The following PDE4D variants were observed in gnomAD, a reference collection of about 807,000 sequenced individuals.
PDE4D encodes the protein 3',5'-cyclic-AMP phosphodiesterase 4D.
PDE4D carries 24 observed loss-of-function variants against 87.4 expected under a neutral mutation model. The ratio of observed to expected loss-of-function variants is 0.27; its 90% CI spans 0.20 to 0.39. The LOEUF is 0.39. PDE4D is among the 10% of genes least tolerant of loss of function. The probability of loss-of-function intolerance (pLI) is 1.00; values close to 1 mark genes in which losing one functional copy is unlikely to be tolerated. For missense variants in PDE4D, 714 were observed against 1,041.0 expected, an observed-to-expected ratio of 0.69 and a Z score of 4.32; for synonymous variants, 384 against 383.2, an observed-to-expected ratio of 1.00 and a Z score of -0.02.
At chr5:60,418,445 G>A (rs772766399) in intron 1 of PDE4D, among the ~76,000 whole-genome samples, 2 of 152,080 alleles carry the variant, frequency 1.3e-5, no homozygotes, top group Non-Finnish European at 2.9e-5. Context: ...AGCAACCACA[G>A]TAATAATAAT....
intron 2 of PDE4D, among the ~76,000 whole-genome samples, chr5:60,129,582 A>G (rs1472892833): frequency 6.6e-6 from 1 of 152,170 alleles, no homozygotes; most frequent in Non-Finnish European, 1.5e-5. Context: ...TATAGTTTGT[A>G]TATCCATGAA....
chr5:59,379,547 G>A (rs540806564), intron 1 of PDE4D, among the ~76,000 whole-genome samples: 1 of 151,664 alleles, frequency 6.6e-6, no homozygotes, highest in Non-Finnish European at 1.5e-5. Flanking sequence ...CATAATTTTT[G>A]GATTCTGCTT....
intron 11 of PDE4D, among the ~76,000 whole-genome samples, chr5:58,983,070 C>A (rs1745597484): frequency 6.6e-6 from 1 of 152,232 alleles, no homozygotes; most frequent in South Asian, 2.1e-4. Flanking sequence ...TGGCCATTCC[C>A]TCTTCCAAGC....
chr5:60,114,365 T>G (rs1420244560), intron 2 of PDE4D, among the ~76,000 whole-genome samples: 1 of 152,120 alleles, frequency 6.6e-6, no homozygotes, highest in Non-Finnish European at 1.5e-5. Context: ...TTCTCTCACT[T>G]GTAATTGGTC....
Position 58,990,047 on chromosome 5 carries a change from TCA to T in PDE4D, c.1288-130_1288-129del, listed in dbSNP as rs1003969276. 4 of 608,242 alleles carry T rather than the reference TCA, an allele frequency of 6.6e-6. No homozygotes were observed. In the African/African-American group the frequency reaches 7.5e-5, roughly 11 times the overall value. 37.7% of individuals were successfully genotyped at this position (608,242 alleles called of 1,614,324 possible). A position where few individuals can be genotyped will look rare whatever the true frequency, so the allele number is the denominator to read the frequency against. On this transcript the variant is annotated intron_variant, in intron 9 of 14. Transcript: ENST00000340635. ...TAACCTGGAAATGGCAACTGCACTCTCACATGTCTAGTGAGGAAAATGGGAAC... is the reference window on the plus strand; with the variant it reads ...TAACCTGGAAATGGCAACTGCACTCTCATGTCTAGTGAGGAAAATGGGAAC...
At chr5:59,739,246 C>T (rs1404672574) in intron 1 of PDE4D, among the ~76,000 whole-genome samples, 2 of 152,030 alleles carry the variant, frequency 1.3e-5, no homozygotes, top group Admixed American at 6.6e-5. Flanking sequence ...ATGGTGAAAC[C>T]CCATTTTTAC....
intron 1 of PDE4D, among the ~76,000 whole-genome samples, chr5:60,509,598 C>A (rs181678731): frequency 6.6e-6 from 1 of 152,112 alleles, no homozygotes; most frequent in Non-Finnish European, 1.5e-5. Flanking sequence ...TTTTTTCTCT[C>A]ATTTCATCTT....
At position 58,989,628 on chromosome 5, in the gene PDE4D, A is replaced by G. The variant is rs186110868; in HGVS notation, c.1452+127T>C. The stretch of plus-strand genomic sequence containing the variant: ...TCTATTAACTATAGCATTTTCCCCC[A>G]TAAGTCAATAAGTTATACTTCCAAT... On this transcript the variant is annotated intron_variant, in intron 10 of 14. Coordinates refer to ENST00000340635, the MANE Select transcript of PDE4D (RefSeq NM_001104631.2). 7.0e-3 allele frequency: 4,064 copies of G among 581,382 alleles called. 22 individuals are homozygous for G. The highest frequency in any genetic ancestry group is 9.0e-3 in the Non-Finnish European group (3,007 of 335,816). The allele number at this position is 581,382 out of a possible 1,614,324, so 36.0% of individuals were successfully genotyped here.
At chr5:60,340,800 A>G (rs553532765) in intron 1 of PDE4D, among the ~76,000 whole-genome samples, 47 of 152,316 alleles carry the variant, frequency 3.1e-4, no homozygotes, top group Middle Eastern at 3.4e-3. Flanking sequence ...AAATAATAAT[A>G]ATATGGATTT....
At chr5:60,263,711 A>T (rs1749884225) in intron 1 of PDE4D, among the ~76,000 whole-genome samples, 1 of 152,152 alleles carries the variant, frequency 6.6e-6, no homozygotes, top group African/African-American at 2.4e-5. Context: ...ACCCTTATAG[A>T]GGCATACCTA....
At chr5:60,350,934 T>A (rs1759131866) in intron 1 of PDE4D, among the ~76,000 whole-genome samples, 1 of 152,032 alleles carries the variant, frequency 6.6e-6, no homozygotes, top group African/African-American at 2.4e-5. Context: ...TGAGCCAAGG[T>A]TCAGAGGCTG....
intron 2 of PDE4D, among the ~76,000 whole-genome samples, chr5:60,094,478 C>T (rs1775455574): frequency 6.6e-6 from 1 of 151,936 alleles, no homozygotes; most frequent in South Asian, 2.1e-4. Flanking sequence ...AATCCTCACC[C>T]ACCCCCAGTA....
At chr5:59,039,156 C>T (rs1048839273) in intron 5 of PDE4D, 185 bp from the exon 6 acceptor site, 4 of 1,348,694 alleles carry the variant, frequency 3.0e-6, no homozygotes, top group Middle Eastern at 2.5e-4. Flanking sequence ...GCTCGCGGGG[C>T]GGCCGGCCTC....
At chr5:59,822,387 T>A (rs2152689700) in intron 1 of PDE4D, among the ~76,000 whole-genome samples, 1 of 152,336 alleles carries the variant, frequency 6.6e-6, no homozygotes, top group East Asian at 1.9e-4. Context: ...GATAGATTAA[T>A]CTCACTTTGT....
intron 1 of PDE4D, among the ~76,000 whole-genome samples, chr5:60,327,016 C>T (rs756299750): frequency 1.3e-5 from 2 of 152,078 alleles, no homozygotes; most frequent in Non-Finnish European, 2.9e-5. Context: ...TTCTTTATCC[C>T]CTGCTTACAT....
chr5:59,670,525 T>C (rs298058), intron 1 of PDE4D, among the ~76,000 whole-genome samples: 60,914 of 151,962 alleles, frequency 0.4, 12,857 homozygotes, highest in East Asian at 0.69. Flanking sequence ...GTTTATAAGG[T>C]ATATACGAAA....
At chr5:60,312,082 C>T (rs890137813) in intron 1 of PDE4D, among the ~76,000 whole-genome samples, 1 of 152,112 alleles carries the variant, frequency 6.6e-6, no homozygotes, top group Non-Finnish European at 1.5e-5. Flanking sequence ...TTTAGATAAC[C>T]ACATAATAAT....
chr5:59,025,764 G>T (rs561820722), intron 6 of PDE4D, among the ~76,000 whole-genome samples: 26 of 152,354 alleles, frequency 1.7e-4, no homozygotes, highest in Admixed American at 1.2e-3. Context: ...GGAGATGGCA[G>T]ACATTAGCCT....
At chr5:60,474,105 CATATATAT>C (rs1158022321) in intron 1 of PDE4D, among the ~76,000 whole-genome samples, 344 of 30,992 alleles carry the variant, frequency 0.011, 10 homozygotes, top group African/African-American at 0.011. Flanking sequence ...TTTGAGCTGC[CATATATAT>C]ATATATATAT....
Sources: gnomAD v4.1 joint callset for allele counts (sites outside exome capture counted in the v4.1 genomes callset) on GRCh38, gnomAD v4.1.1 for gene constraint, MANE v1.5 for transcripts, NCBI Gene and HGNC (gene_info 2026-07-23, HGNC 2026-07-21) for gene names.